EYS: variants seen among roughly 807,000 people sequenced by gnomAD.
EYS encodes protein eyes shut homolog.
Under a neutral mutation model 282.1 loss-of-function variants are expected in EYS, and 250 were observed. The observed-to-expected ratio is 0.89, with a 90% CI of 0.80 to 0.98. The LOEUF (loss-of-function observed/expected upper bound fraction) is 0.98, where lower values mean the gene tolerates loss of function less well. Among genes scored for constraint, EYS ranks in the 50% least tolerant of loss-of-function variants. The pLI, the probability that EYS is intolerant of heterozygous loss-of-function variation, is 0.00. For synonymous variants in EYS, 1,355 were observed against 1,282.9 expected (o/e 1.06, Z -1.20); for missense variants, 4,016 against 3,709.0 (o/e 1.08, Z -2.15).
intron 36 of EYS, among the ~76,000 whole-genome samples, chr6:63,818,454 T>C (rs1007431790): frequency 1.3e-5 from 2 of 152,248 alleles, no homozygotes; most frequent in Non-Finnish European, 2.9e-5. Context: ...ACCTGGGTTT[T>C]ACCAGAACAC....
At chr6:64,169,763 T>G (rs549100592) in intron 31 of EYS, among the ~76,000 whole-genome samples, 21 of 152,030 alleles carry the variant, frequency 1.4e-4, no homozygotes, top group Non-Finnish European at 2.5e-4. Flanking sequence ...CTGCTAAATA[T>G]ATGGATAGCT....
intron 26 of EYS, among the ~76,000 whole-genome samples, chr6:64,538,748 G>A (rs2149797718): frequency 6.6e-6 from 1 of 152,166 alleles, no homozygotes; most frequent in East Asian, 1.9e-4. Context: ...AATCTATAAT[G>A]GGTTTTAATT....
intron 35 of EYS, among the ~76,000 whole-genome samples, chr6:63,943,308 A>AAGT (rs2149759468): frequency 6.6e-6 from 1 of 152,354 alleles, no homozygotes; most frequent in African/African-American, 2.4e-5. Context: ...GGTGGCTACT[A>AAGT]ATGGTCTTAT....
intron 10 of EYS, among the ~76,000 whole-genome samples, chr6:65,343,053 T>C (rs1261408852): frequency 6.6e-6 from 1 of 151,202 alleles, no homozygotes; most frequent in South Asian, 2.1e-4. Context: ...AATATATATA[T>C]ATGTAAGAAC....
intron 12 of EYS, among the ~76,000 whole-genome samples, chr6:65,120,394 C>T (rs1263718868): frequency 2.9e-5 from 4 of 139,146 alleles, no homozygotes; most frequent in African/African-American, 1.1e-4. Flanking sequence ...TCACATATGT[C>T]AGAGACAAGG....
intron 12 of EYS, among the ~76,000 whole-genome samples, chr6:65,144,001 A>C (rs1427360541): frequency 6.6e-6 from 1 of 152,072 alleles, no homozygotes; most frequent in African/African-American, 2.4e-5. Flanking sequence ...GAAAATGTCC[A>C]TATTGCCCAG....
At chr6:64,142,581 C>T (rs1177474520) in intron 31 of EYS, among the ~76,000 whole-genome samples, 1 of 152,048 alleles carries the variant, frequency 6.6e-6, no homozygotes, top group Non-Finnish European at 1.5e-5. Context: ...TCATAGCACA[C>T]CTCATGTTTG....
At position 63,720,694 on chromosome 6, in the gene EYS, T is replaced by C; in HGVS notation, c.9337A>G (p.Lys3113Glu). Residue 3113 changes from lysine to glutamate, a missense_variant, in exon 43 of 43, where the codon AAA (lysine) becomes GAA (glutamate). Physicochemically the swap from Lys to Glu is moderately conservative, Grantham distance 56 (BLOSUM62 1). Transcript: ENST00000503581. Reference protein sequence around the residue: ...IFKTNFVGKIKDVVFFQEPKN... With the variant: ...IFKTNFVGKIEDVVFFQEPKN... ...GGTTCCTGAAAAAATACAACATCTT[T>C]AATTTTGCCAACAAAATTGGTTTTA... The C allele has an allele frequency of 6.5e-7, 1 of 1,548,528 alleles. No homozygotes were observed. The highest frequency in any genetic ancestry group is 8.7e-7 in the Non-Finnish European group (1 of 1,145,704).
At chr6:65,360,092 T>C (rs935994804) in intron 8 of EYS, among the ~76,000 whole-genome samples, 1 of 151,986 alleles carries the variant, frequency 6.6e-6, no homozygotes, top group African/African-American at 2.4e-5. Context: ...TGTTAAAAAT[T>C]GGAAGTATAT....
intron 5 of EYS, among the ~76,000 whole-genome samples, chr6:65,452,829 G>C (rs1340608449): frequency 6.6e-6 from 1 of 151,964 alleles, no homozygotes; most frequent in Non-Finnish European, 1.5e-5. Context: ...AACAATCAGA[G>C]AAGATGTAAA....
At chr6:64,869,164 G>A (rs950090597) in intron 19 of EYS, among the ~76,000 whole-genome samples, 45 of 151,476 alleles carry the variant, frequency 3.0e-4, no homozygotes, top group African/African-American at 1.1e-3. Flanking sequence ...CATCAAGGGA[G>A]TGGCTCTATG....
At chr6:65,221,880 A>G (rs910472947) in intron 12 of EYS, among the ~76,000 whole-genome samples, 2 of 152,216 alleles carry the variant, frequency 1.3e-5, no homozygotes, top group Non-Finnish European at 2.9e-5. Flanking sequence ...CATCAGGGTG[A>G]CCTAGATGGA....
intron 10 of EYS, among the ~76,000 whole-genome samples, chr6:65,339,433 T>C (rs1024559498): frequency 1.3e-5 from 2 of 151,212 alleles, no homozygotes; most frequent in African/African-American, 2.4e-5. Flanking sequence ...AGAGAGACCA[T>C]AGTCACATAA....
At chr6:65,584,522 G>T (rs1023377430) in intron 2 of EYS, among the ~76,000 whole-genome samples, 1 of 151,844 alleles carries the variant, frequency 6.6e-6, no homozygotes, top group African/African-American at 2.4e-5. Context: ...TACCAATTAG[G>T]TTTTTTTCAA....
At chr6:64,447,420 G>A (rs548245701) in intron 26 of EYS, among the ~76,000 whole-genome samples, 1 of 151,574 alleles carries the variant, frequency 6.6e-6, no homozygotes, top group South Asian at 2.1e-4. Flanking sequence ...TATATGATAG[G>A]TTTTATTAGA....
intron 19 of EYS, among the ~76,000 whole-genome samples, chr6:64,855,439 C>A (rs1441644528): frequency 6.6e-6 from 1 of 151,888 alleles, no homozygotes. Context: ...AAGAATTTTT[C>A]ATCTCTGATA....
chr6:65,369,133 T>G (rs908206633), intron 8 of EYS, among the ~76,000 whole-genome samples: 1 of 150,216 alleles, frequency 6.7e-6, no homozygotes, highest in East Asian at 1.9e-4. Context: ...ACTAATAATA[T>G]ACATAGAGGA....
intron 12 of EYS, among the ~76,000 whole-genome samples, chr6:65,260,126 C>A (rs1767582442): frequency 6.6e-6 from 1 of 151,960 alleles, no homozygotes; most frequent in South Asian, 2.1e-4. Flanking sequence ...AGCTTCTTCT[C>A]AAGGCAGCCA....
intron 19 of EYS, among the ~76,000 whole-genome samples, chr6:64,872,740 T>C (rs1040106206): frequency 6.6e-6 from 1 of 152,058 alleles, no homozygotes; most frequent in African/African-American, 2.4e-5. Flanking sequence ...AGCTAGATTA[T>C]CTTAGAGTCT....
Sources: gnomAD v4.1 joint callset for allele counts (sites outside exome capture counted in the v4.1 genomes callset) on GRCh38, gnomAD v4.1.1 for gene constraint, MANE v1.5 for transcripts, NCBI Gene and HGNC (gene_info 2026-07-23, HGNC 2026-07-21) for gene names.